The following TMCC1 variants were observed in gnomAD, a reference collection of about 807,000 sequenced individuals.
TMCC1 encodes transmembrane and coiled-coil domain family 1.
In TMCC1, 15 loss-of-function variants were observed where a neutral mutation model predicts 52.4. The ratio of observed to expected loss-of-function variants is 0.29; its 90% confidence interval spans 0.19 to 0.44. The LOEUF (loss-of-function observed/expected upper bound fraction) is 0.44, where lower values mean the gene tolerates loss of function less well. Among genes scored for constraint, TMCC1 ranks in the 20% least tolerant of loss-of-function variants. The pLI, the probability that TMCC1 is intolerant of heterozygous loss-of-function variation, is 1.00. For missense variants in TMCC1, 503 were observed against 806.0 expected (o/e 0.62, Z 4.55); for synonymous variants, 279 against 301.9 (o/e 0.92, Z 0.79).
At chr3:129,883,206 G>A (rs1263313093) in intron 1 of TMCC1, among the ~76,000 whole-genome samples, 1 of 152,086 alleles carries the variant, frequency 6.6e-6, no homozygotes, top group Non-Finnish European at 1.5e-5. Flanking sequence ...CAGCTACTTG[G>A]GAGGCTGAGG....
At chr3:129,862,334 A>G (rs538955109) in intron 2 of TMCC1, among the ~76,000 whole-genome samples, 2 of 152,176 alleles carry the variant, frequency 1.3e-5, no homozygotes, top group Non-Finnish European at 2.9e-5. Flanking sequence ...AAACCACTGA[A>G]AAGTACACTA....
intron 4 of TMCC1, among the ~76,000 whole-genome samples, chr3:129,729,252 T>C (rs770154446): frequency 3.9e-5 from 6 of 152,218 alleles, no homozygotes; most frequent in African/African-American, 1.2e-4. Flanking sequence ...TTTTTTATTT[T>C]AGTCATTTTA....
At chr3:129,826,738 A>C (rs1250122330) in intron 4 of TMCC1, among the ~76,000 whole-genome samples, 2 of 152,138 alleles carry the variant, frequency 1.3e-5, no homozygotes, top group Admixed American at 6.5e-5. Flanking sequence ...GAAAAGTTTA[A>C]GGTACTAGAC....
chr3:129,712,467 A>G (rs1475029628), intron 4 of TMCC1, among the ~76,000 whole-genome samples: 5 of 152,166 alleles, frequency 3.3e-5, no homozygotes, highest in African/African-American at 1.2e-4. Context: ...ATTATTTTTG[A>G]GACAGGGTCT....
intron 2 of TMCC1, among the ~76,000 whole-genome samples, chr3:129,849,384 C>G (rs1430537936): frequency 6.6e-6 from 1 of 151,484 alleles, no homozygotes; most frequent in African/African-American, 2.4e-5. Flanking sequence ...CGCTTGAACC[C>G]AGGAGGCGGA....
At chr3:129,814,764 T>C (rs971071231) in intron 4 of TMCC1, among the ~76,000 whole-genome samples, 2 of 152,134 alleles carry the variant, frequency 1.3e-5, no homozygotes, top group African/African-American at 4.8e-5. Context: ...ACTTACATCA[T>C]ATAAAATAGA....
rs2053673010 is a variant in TMCC1 at position 129,762,244 on chromosome 3, T to C, written c.576+65559A>G. On this transcript the variant is annotated intron_variant, in intron 4 of 6. Transcript: ENST00000393238. Reference sequence around the variant, plus strand: ...TTGTAGAGACAGGGTTTCATCATGTTGCCCAGGCTGGTCTTGAACTCCTGG... The same window carrying C: ...TTGTAGAGACAGGGTTTCATCATGTCGCCCAGGCTGGTCTTGAACTCCTGG... Among the ~76,000 whole-genome samples the C allele has an allele frequency of 2.0e-5, 3 of 151,994 alleles. No homozygotes were observed. The South Asian group carries it at 6.2e-4, about 32-fold the overall frequency.
At chr3:129,893,101 A>G (rs1239481283) in intron 1 of TMCC1, 1 of 152,332 alleles carries the variant, frequency 6.6e-6, no homozygotes, top group African/African-American at 2.4e-5. Flanking sequence ...GAGGGCTCCT[A>G]AAACCCCAGA....
rs1038570791 is a variant in TMCC1 at position 129,777,103 on chromosome 3, T to G, written c.576+50700A>C. Among the ~76,000 whole-genome samples, 4 of 152,154 alleles carry G rather than the reference T, an allele frequency of 2.6e-5. No individual in the cohort carries two copies. The East Asian group carries it at 7.7e-4, about 29-fold the overall frequency. Reference sequence around the variant, plus strand: ...AGGCCAAACACTATCTAATAACTGTTCAAAGAGTGGTATAATCTTCTCTAA... The same window carrying G: ...AGGCCAAACACTATCTAATAACTGTGCAAAGAGTGGTATAATCTTCTCTAA... On this transcript the variant is annotated intron_variant, in intron 4 of 6. Coordinates refer to ENST00000393238, the MANE Select transcript of TMCC1 (RefSeq NM_001017395.5).
In TMCC1 at chr3:129,776,538, G is replaced by C. The variant is rs1208600876; in HGVS notation, c.576+51265C>G. 3.3e-5 allele frequency among the ~76,000 whole-genome samples: 5 copies of C among 152,326 alleles called. No homozygotes were observed. The East Asian group carries it at 9.6e-4, about 29-fold the overall frequency. On this transcript the variant is annotated intron_variant, in intron 4 of 6. Coordinates refer to ENST00000393238, the MANE Select transcript of TMCC1 (RefSeq NM_001017395.5). ...GTGAACATTCAAAAGATGAGCAGAA[G>C]AGGGGCACCCAAATAGGAAGGGCCA... is the stretch of plus-strand genomic sequence containing the variant.
intron 2 of TMCC1, among the ~76,000 whole-genome samples, chr3:129,851,883 C>T (rs1184425088): frequency 2.0e-5 from 3 of 152,192 alleles, no homozygotes; most frequent in Non-Finnish European, 4.4e-5. Flanking sequence ...GGCGTGGTGG[C>T]TCACGCCCAT....
chr3:129,738,818 C>CT (rs199821010), intron 4 of TMCC1, among the ~76,000 whole-genome samples: 8,506 of 151,926 alleles, frequency 0.056, 337 homozygotes, highest in Middle Eastern at 0.15. Flanking sequence ...TAATTAAAAT[C>CT]TTTTTTTTGT....
chr3:129,792,654 T>A (rs2056557537), intron 4 of TMCC1, among the ~76,000 whole-genome samples: 1 of 152,220 alleles, frequency 6.6e-6, no homozygotes, highest in Non-Finnish European at 1.5e-5. Context: ...CTGAAATAAT[T>A]AAAAATATTT....
chr3:129,749,501 GA>G (rs61237906), intron 4 of TMCC1, among the ~76,000 whole-genome samples: 1 of 150,276 alleles, frequency 6.7e-6, no homozygotes. Context: ...TCTCTTAAAA[GA>G]AAAAAAAATC....
At chr3:129,698,643 G>C (rs144068346) in intron 4 of TMCC1, among the ~76,000 whole-genome samples, 1 of 152,148 alleles carries the variant, frequency 6.6e-6, no homozygotes, top group African/African-American at 2.4e-5. Flanking sequence ...ATTTGGGTCT[G>C]TACTTTTTCT....
chr3:129,785,379 G>A (rs1239246420), intron 4 of TMCC1, among the ~76,000 whole-genome samples: 3 of 152,056 alleles, frequency 2.0e-5, no homozygotes. Flanking sequence ...AAAATTTCTT[G>A]AAGTCCCAAA....
At chr3:129,653,505 G>A (rs780413910) in intron 6 of TMCC1, among the ~76,000 whole-genome samples, 6 of 152,172 alleles carry the variant, frequency 3.9e-5, no homozygotes, top group East Asian at 1.9e-4. Context: ...GTGCAGCGGC[G>A]CGATCTCAGC....
rs72977276 is a variant in TMCC1 at position 129,723,059 on chromosome 3, A to G, written c.577-51795T>C. Among the ~76,000 whole-genome samples the G allele has an allele frequency of 4.3e-3, 655 of 152,318 alleles. 4 individuals are homozygous for G. The highest frequency in any genetic ancestry group is 0.014 in the African/African-American group (594 of 41,574). ...CTTTGCTTTAGTATTTATCTCTTAG[A>G]AAATATGTATCATTTATAAGATCAA... On this transcript the variant is annotated intron_variant, in intron 4 of 6. Coordinates refer to ENST00000393238, the MANE Select transcript of TMCC1 (RefSeq NM_001017395.5).
intron 3 of TMCC1, among the ~76,000 whole-genome samples, chr3:129,830,919 T>G (rs2058877938): frequency 6.6e-6 from 1 of 152,170 alleles, no homozygotes; most frequent in South Asian, 2.1e-4. Flanking sequence ...TCACAAGCAT[T>G]TGTAAAACAA....
Sources: gnomAD v4.1 joint callset for allele counts (sites outside exome capture counted in the v4.1 genomes callset) on GRCh38, gnomAD v4.1.1 for gene constraint, MANE v1.5 for transcripts, NCBI Gene and HGNC (gene_info 2026-07-23, HGNC 2026-07-21) for gene names.